The following LPP variants were observed in gnomAD, a reference collection of about 807,000 sequenced individuals.
LPP encodes lipoma-preferred partner.
A neutral mutation model predicts 60.4 loss-of-function variants in LPP; 38 were observed. That is an observed-to-expected ratio of 0.63 (90% confidence interval 0.49 to 0.83). The LOEUF is 0.83. Ranked by LOEUF, LPP falls within the 40% of genes least tolerant of loss-of-function variation. The pLI is 0.00. For missense variants in LPP, 902 were observed against 783.6 expected (o/e 1.15, Z -1.80); for synonymous variants, 328 against 290.8 (o/e 1.13, Z -1.30).
intron 7 of LPP, among the ~76,000 whole-genome samples, chr3:188,625,154 A>G (rs1421807876): frequency 2.6e-5 from 4 of 152,166 alleles, no homozygotes; most frequent in African/African-American, 4.8e-5. Flanking sequence ...CTTCTAGAAC[A>G]TAATAGCTAC....
intron 5 of LPP, among the ~76,000 whole-genome samples, chr3:188,493,825 A>C (rs1045807585): frequency 9.2e-5 from 14 of 152,082 alleles, no homozygotes; most frequent in African/African-American, 3.4e-4. Context: ...TACTATATGG[A>C]ATTGGATTTC....
chr3:188,589,867 G>A (rs1185300262), intron 6 of LPP, among the ~76,000 whole-genome samples: 1 of 152,210 alleles, frequency 6.6e-6, no homozygotes, highest in Non-Finnish European at 1.5e-5. Flanking sequence ...TGTAGCTTGT[G>A]TAGCTCCATT....
chr3:188,636,520 G>C (rs1396541653), intron 7 of LPP, among the ~76,000 whole-genome samples: 1 of 152,178 alleles, frequency 6.6e-6, no homozygotes, highest in Non-Finnish European at 1.5e-5. Context: ...GGTAAACAAA[G>C]CAGCCAGGAA....
At position 188,828,219 on chromosome 3, in the gene LPP, TGCTGGGAGAGAAATAA is replaced by T. The variant is rs1756107169; in HGVS notation, c.1411-37972_1411-37957del. ...ATATAGAATATTGGAAGGAAGTACA[TGCTGGGAGAGAAATAA>T]GCTGGGAGGGAAAAGGGAGTGCTGG... On this transcript the variant is annotated intron_variant, in intron 9 of 11. Coordinates refer to ENST00000617246, the MANE Select transcript of LPP (RefSeq NM_001375462.1). Among the ~76,000 whole-genome samples, 6 of 151,946 alleles carry T rather than the reference TGCTGGGAGAGAAATAA, an allele frequency of 3.9e-5. No individual in the cohort carries two copies. The South Asian group carries it at 1.2e-3, about 32-fold the overall frequency.
In LPP at chr3:188,729,881, C is replaced by T. The variant is rs114693408; in HGVS notation, c.1240+21488C>T. On this transcript the variant is annotated intron_variant, in intron 8 of 11. Transcript: ENST00000617246. Reference sequence around the variant, plus strand: ...ATGCTGTGGTTCCAGCTAATCTGGACGTGGAGGTGGGAGGAGGATCACTTA... The same window carrying T: ...ATGCTGTGGTTCCAGCTAATCTGGATGTGGAGGTGGGAGGAGGATCACTTA... Among the ~76,000 whole-genome samples the T allele has an allele frequency of 5.3e-3, 807 of 150,894 alleles. 9 individuals are homozygous for T. The highest frequency in any genetic ancestry group is 0.017 in the African/African-American group (710 of 41,076).
At chr3:188,812,380 C>G (rs1568598) in intron 9 of LPP, among the ~76,000 whole-genome samples, 37,388 of 152,000 alleles carry the variant, frequency 0.25, 6,154 homozygotes, top group East Asian at 0.8. Context: ...GCATAAATCT[C>G]CAGTTCCACA....
chr3:188,362,063 T>A (rs896409251), intron 3 of LPP, among the ~76,000 whole-genome samples: 1 of 151,988 alleles, frequency 6.6e-6, no homozygotes, highest in African/African-American at 2.4e-5. Context: ...AAAGGAGAGG[T>A]ACAGATAGTA....
intron 3 of LPP, among the ~76,000 whole-genome samples, chr3:188,384,324 A>T (rs13079689): frequency 0.66 from 91,099 of 138,898 alleles, 28,980 homozygotes; most frequent in African/African-American, 0.83. Flanking sequence ...TAGTGTATGT[A>T]TGTGCATGTG....
chr3:188,288,045 AG>A (rs1744566382), intron 2 of LPP, among the ~76,000 whole-genome samples: 1 of 152,238 alleles, frequency 6.6e-6, no homozygotes, highest in African/African-American at 2.4e-5. Flanking sequence ...TGTTATCAAA[AG>A]CTTTTACTTA....
rs185523942 is a variant in LPP, at chr3:188,563,418, C to G, written c.429+38631C>G. On this transcript the variant is annotated intron_variant, in intron 6 of 11. Transcript: ENST00000617246. ...CATTGTCTTTTTGTTGTGCATCTTT[C>G]CAAGCATGTATCTATACATTTATGT... Among the ~76,000 whole-genome samples the G allele has an allele frequency of 1.4e-3, 205 of 148,430 alleles. 2 individuals carry two copies. The highest frequency in any genetic ancestry group is 2.0e-3 in the Non-Finnish European group (137 of 67,214).
intron 9 of LPP, among the ~76,000 whole-genome samples, chr3:188,796,198 A>C (rs1020814308): frequency 3.0e-4 from 46 of 152,216 alleles, no homozygotes; most frequent in Admixed American, 6.5e-5. Flanking sequence ...TTCCTAAGGA[A>C]GTGATACTTC....
chr3:188,344,524 G>T (rs996838230), intron 3 of LPP, among the ~76,000 whole-genome samples: 1 of 152,112 alleles, frequency 6.6e-6, no homozygotes, highest in Non-Finnish European at 1.5e-5. Context: ...TAATGACAAA[G>T]TTGGACCAGT....
chr3:188,511,171 C>T (rs1451295302), intron 5 of LPP, among the ~76,000 whole-genome samples: 3 of 130,468 alleles, frequency 2.3e-5, no homozygotes, highest in Non-Finnish European at 3.3e-5. Flanking sequence ...CTCCCTCCTT[C>T]CTTTCTACCT....
intron 2 of LPP, among the ~76,000 whole-genome samples, chr3:188,334,993 GTTGGCTGTAAATACGTGGATTTATTT>G (rs1761248934): frequency 1.3e-5 from 2 of 152,124 alleles, no homozygotes; most frequent in Non-Finnish European, 2.9e-5. Flanking sequence ...TTGAAAATCA[GTTGGCTGTAAATACGTGGATTTATTT>G]TTGGGTTCTC....
chr3:188,401,145 T>G (rs1782145363), intron 3 of LPP, among the ~76,000 whole-genome samples: 2 of 152,206 alleles, frequency 1.3e-5, no homozygotes, highest in Non-Finnish European at 1.5e-5. Context: ...CTATTGGATT[T>G]ATCACTTTCC....
chr3:188,625,186 T>C (rs1340374926), intron 7 of LPP, among the ~76,000 whole-genome samples: 1 of 152,176 alleles, frequency 6.6e-6, no homozygotes, highest in African/African-American at 2.4e-5. Flanking sequence ...TGTTCAATGA[T>C]GGGAAATTCA....
rs554411200 is a variant in LPP at position 188,807,739 on chromosome 3, A to G, written c.1410+47457A>G. Reference sequence around the variant, plus strand: ...GAAATATTCTCATATGACAGTCTCTATATCTTTGAGATCATGCAAATTTTC... The same window carrying G: ...GAAATATTCTCATATGACAGTCTCTGTATCTTTGAGATCATGCAAATTTTC... On this transcript the variant is annotated intron_variant, in intron 9 of 11. Coordinates refer to ENST00000617246, the MANE Select transcript of LPP (RefSeq NM_001375462.1). 3.9e-5 allele frequency among the ~76,000 whole-genome samples: 6 copies of G among 152,244 alleles called. No individual in the cohort carries two copies. The South Asian group carries it at 1.2e-3, about 32-fold the overall frequency.
chr3:188,718,704 G>A (rs1023726364), intron 8 of LPP, among the ~76,000 whole-genome samples: 1 of 152,178 alleles, frequency 6.6e-6, no homozygotes, highest in Non-Finnish European at 1.5e-5. Context: ...TTTAATAGGT[G>A]TTAATGAATT....
chr3:188,757,899 T>TTTTTTTTG (rs1730890490), intron 8 of LPP, among the ~76,000 whole-genome samples: 2 of 148,048 alleles, frequency 1.4e-5, no homozygotes, highest in African/African-American at 2.5e-5. Flanking sequence ...GTTTTTTTTT[T>TTTTTTTTG]TTTTTTTTTT....
Sources: allele counts gnomAD v4.1 joint callset (sites outside exome capture counted in the v4.1 genomes callset), GRCh38; gene constraint gnomAD v4.1.1; transcripts MANE v1.5; gene names NCBI Gene and HGNC (gene_info 2026-07-23, HGNC 2026-07-21).